The following C1orf21 variants were observed in gnomAD, a reference collection of about 807,000 sequenced individuals.
The protein encoded by C1orf21 is chromosome 1 open reading frame 21.
In C1orf21, 3 loss-of-function variants were observed where a neutral mutation model predicts 18.7. That is an observed-to-expected ratio of 0.16 (90% CI 0.07 to 0.42). The LOEUF (loss-of-function observed/expected upper bound fraction) is 0.42, where lower values mean the gene tolerates loss of function less well. Ranked by LOEUF, C1orf21 falls within the 10% of genes least tolerant of loss-of-function variation. The probability of loss-of-function intolerance (pLI) is 0.99; values close to 1 mark genes in which losing one functional copy is unlikely to be tolerated. For synonymous variants in C1orf21, 41 were observed against 46.4 expected, an observed-to-expected ratio of 0.88 and a Z score of 0.47; for missense variants, 104 against 143.6, an observed-to-expected ratio of 0.72 and a Z score of 1.41.
Position 184,434,338 on chromosome 1 carries a change from A to G in C1orf21, c.-124-43048A>G, listed in dbSNP as rs779587663. Among the ~76,000 whole-genome samples, 9 of 151,858 alleles carry G rather than the reference A, an allele frequency of 5.9e-5. No homozygotes were observed. In the South Asian group the frequency reaches 8.3e-4, roughly 14 times the overall value. ...GACTTTACTCTGTCAGGTAGGGGCTATTATCTCCATGTAAAGATGCAGGGA... is the reference window on the plus strand; with the variant it reads ...GACTTTACTCTGTCAGGTAGGGGCTGTTATCTCCATGTAAAGATGCAGGGA... On this transcript the variant is annotated intron_variant, in intron 1 of 5. Transcript: ENST00000235307.
At position 184,589,344 on chromosome 1, in the gene C1orf21, A is replaced by G. The variant is rs1027977312; in HGVS notation, c.190-1395A>G. Among the ~76,000 whole-genome samples, 5 of 152,336 alleles carry G rather than the reference A, an allele frequency of 3.3e-5. No homozygotes were observed. In the East Asian group the frequency reaches 5.8e-4, roughly 18 times the overall value. ...ACCTCTAACTTTTAAAAACACGTGA[A>G]TGACTTTTTGACATCGTTCATTCAT... is the stretch of plus-strand genomic sequence containing the variant. On this transcript the variant is annotated intron_variant, in intron 3 of 5. Transcript: ENST00000235307.
intron 2 of C1orf21, among the ~76,000 whole-genome samples, chr1:184,482,769 A>C (rs900502624): frequency 1.3e-5 from 2 of 152,130 alleles, no homozygotes; most frequent in South Asian, 4.1e-4. Flanking sequence ...TAAAGGTGTT[A>C]ATTTAATTTC....
chr1:184,535,683 T>C (rs1475936115), intron 3 of C1orf21, among the ~76,000 whole-genome samples: 2 of 152,226 alleles, frequency 1.3e-5, no homozygotes, highest in Non-Finnish European at 2.9e-5. Context: ...GGCTGTGGTT[T>C]CTTGGATGTG....
In C1orf21 at chr1:184,548,501, G is replaced by A. The variant is rs960293343; in HGVS notation, c.189+40819G>A. On this transcript the variant is annotated intron_variant, in intron 3 of 5. Transcript: ENST00000235307. ...GCGATCTCCACTCACTACAAGCTCCGCCTCCCGGGTTCACGCCATTCTCCC... is the reference window on the plus strand; with the variant it reads ...GCGATCTCCACTCACTACAAGCTCCACCTCCCGGGTTCACGCCATTCTCCC... Among the ~76,000 whole-genome samples the A allele has an allele frequency of 2.2e-5, 3 of 139,018 alleles. No individual in the cohort carries two copies. In the Admixed American group the frequency reaches 2.4e-4, roughly 11 times the overall value. The allele number at this position is 139,018 out of a possible 152,430, so 91.2% of individuals were successfully genotyped here.
intron 2 of C1orf21, among the ~76,000 whole-genome samples, chr1:184,496,080 A>G (rs1363376918): frequency 1.3e-5 from 2 of 152,048 alleles, no homozygotes; most frequent in African/African-American, 2.4e-5. Flanking sequence ...ATGAGATGTT[A>G]AAGGAGTGGC....
chr1:184,418,828 G>A (rs1473249798), intron 1 of C1orf21, among the ~76,000 whole-genome samples: 1 of 152,172 alleles, frequency 6.6e-6, no homozygotes, highest in Non-Finnish European at 1.5e-5. Flanking sequence ...GACTGATGTT[G>A]AATTTAGTAG....
Position 184,387,825 on chromosome 1 carries a change from C to G in C1orf21, c.-125+457C>G, listed in dbSNP as rs1302801682. 6.6e-6 allele frequency among the ~76,000 whole-genome samples: 1 copy of G among 152,228 alleles called. No homozygotes were observed. The highest frequency in any genetic ancestry group is 1.5e-5 in the Non-Finnish European group (1 of 68,040). On this transcript the variant is annotated intron_variant, in intron 1 of 5. Transcript: ENST00000235307. The surrounding 1 kb of genome is among the most constrained non-coding windows in gnomAD (Gnocchi z 5.6). The stretch of plus-strand genomic sequence containing the variant: ...GAAAAACACAATTTAGGATCCTTTG[C>G]TAAGTATCCAAGTCCCTTCTCTCGC...
chr1:184,477,634 A>G (rs765758503), intron 2 of C1orf21, 31 bp downstream of exon 2: 39 of 1,577,020 alleles, frequency 2.5e-5, no homozygotes, highest in South Asian at 6.7e-5. Context: ...CTCTTGACCC[A>G]TTGATTCTAG....
chr1:184,440,666 A>G (rs907759741), intron 1 of C1orf21, among the ~76,000 whole-genome samples: 2 of 152,196 alleles, frequency 1.3e-5, no homozygotes, highest in African/African-American at 4.8e-5. Context: ...AAATATTCTA[A>G]TAAGTAAGAT....
intron 3 of C1orf21, among the ~76,000 whole-genome samples, chr1:184,539,026 A>G (rs984393352): frequency 3.9e-5 from 6 of 152,308 alleles, no homozygotes; most frequent in Middle Eastern, 3.4e-3. Flanking sequence ...TAGAACTTCC[A>G]GTTCCATGTT....
chr1:184,598,268 AGAGT>A, intron 4 of C1orf21, 129 bp from the exon 5 acceptor site: 1 of 703,158 alleles, frequency 1.4e-6, no homozygotes, highest in Non-Finnish European at 2.4e-6. Flanking sequence ...ATGTAACTTC[AGAGT>A]ATTTCAGTGG....
At chr1:184,535,759 G>A (rs1459434334) in intron 3 of C1orf21, among the ~76,000 whole-genome samples, 1 of 152,174 alleles carries the variant, frequency 6.6e-6, no homozygotes, top group Non-Finnish European at 1.5e-5. Context: ...AAGGCTTACT[G>A]TTCCTACTCA....
intron 2 of C1orf21, among the ~76,000 whole-genome samples, chr1:184,505,403 C>T (rs1219086562): frequency 7.1e-6 from 1 of 141,182 alleles, no homozygotes; most frequent in Non-Finnish European, 1.5e-5. Context: ...TATCAGTGTT[C>T]TGTGTATTTA....
chr1:184,561,574 C>A (rs980952436), intron 3 of C1orf21, among the ~76,000 whole-genome samples: 1 of 152,080 alleles, frequency 6.6e-6, no homozygotes, highest in African/African-American at 2.4e-5. Flanking sequence ...CTTTTGATTC[C>A]AAAAGTCTGA....
intron 5 of C1orf21, among the ~76,000 whole-genome samples, chr1:184,614,468 G>A (rs2102010456): frequency 6.6e-6 from 1 of 151,304 alleles, no homozygotes; most frequent in Non-Finnish European, 1.5e-5. Context: ...AAACATATAT[G>A]ATGAATCATA....
At chr1:184,429,324 C>A (rs1376367654) in intron 1 of C1orf21, among the ~76,000 whole-genome samples, 1 of 152,124 alleles carries the variant, frequency 6.6e-6, no homozygotes, top group Non-Finnish European at 1.5e-5. Context: ...ACCCTCCTTA[C>A]CCCCACATGG....
chr1:184,448,030 C>T (rs1166219319), intron 1 of C1orf21, among the ~76,000 whole-genome samples: 4 of 152,178 alleles, frequency 2.6e-5, no homozygotes, highest in African/African-American at 9.6e-5. Flanking sequence ...CCCTTACCAC[C>T]ACCCTACCCG....
At chr1:184,502,160 T>A (rs114728731) in intron 2 of C1orf21, among the ~76,000 whole-genome samples, 152,338 of 152,340 alleles carry the variant, frequency 1, 76,168 homozygotes, top group Middle Eastern at 1. Context: ...GACTGGGTAT[T>A]TTTGCAAACA....
At chr1:184,477,765 C>T (rs1215074778) in intron 2 of C1orf21, among the ~76,000 whole-genome samples, 162 bp downstream of exon 2, 3 of 152,098 alleles carry the variant, frequency 2.0e-5, no homozygotes, top group African/African-American at 4.8e-5. Context: ...TCTATCACCT[C>T]GAGCATTTAT....
Sources: allele counts gnomAD v4.1 joint callset (sites outside exome capture counted in the v4.1 genomes callset), GRCh38; gene constraint gnomAD v4.1.1; non-coding constraint Gnocchi (gnomAD v3.1); transcripts MANE v1.5; gene names NCBI Gene and HGNC (gene_info 2026-07-23, HGNC 2026-07-21).